Variants in CXCL13 observed in about 807,000 individuals in gnomAD.
CXCL13 encodes the protein C-X-C motif chemokine ligand 13.
Under a neutral mutation model 12.2 loss-of-function variants are expected in CXCL13, and 7 were observed. That is an observed-to-expected ratio of 0.57 (90% CI 0.33 to 1.07). The LOEUF is 1.07. Ranked by LOEUF, CXCL13 falls within the 50% of genes least tolerant of loss-of-function variation. The pLI is 0.04. For missense variants in CXCL13, 113 were observed against 127.4 expected (o/e 0.89, Z 0.55); for synonymous variants, 47 against 42.4 (o/e 1.11, Z -0.42).
At chr4:77,567,657 A>T (rs993517927) in intron 1 of CXCL13, among the ~76,000 whole-genome samples, 11 of 152,212 alleles carry the variant, frequency 7.2e-5, no homozygotes, top group African/African-American at 2.7e-4. Flanking sequence ...GATGGTGGCA[A>T]AAGTGACCTC....
chr4:77,606,975 A>G (rs557137387), intron 1 of CXCL13, among the ~76,000 whole-genome samples: 2 of 152,290 alleles, frequency 1.3e-5, no homozygotes, highest in Non-Finnish European at 2.9e-5. Context: ...AGACTTTTGA[A>G]TTTTTATGAT....
chr4:77,588,836 G>A (rs552765774), intron 1 of CXCL13, among the ~76,000 whole-genome samples: 1 of 152,228 alleles, frequency 6.6e-6, no homozygotes, highest in East Asian at 1.9e-4. Flanking sequence ...AGCAATCACT[G>A]CTCACTACTA....
chr4:77,594,637 C>T (rs115204650), intron 1 of CXCL13, among the ~76,000 whole-genome samples: 6,310 of 150,998 alleles, frequency 0.042, 415 homozygotes, highest in African/African-American at 0.14. Flanking sequence ...CCAGTGAGGG[C>T]CATGGGGCTC....
intron 1 of CXCL13, among the ~76,000 whole-genome samples, chr4:77,568,924 G>A (rs1482940768): frequency 6.6e-6 from 1 of 152,106 alleles, no homozygotes; most frequent in Non-Finnish European, 1.5e-5. Flanking sequence ...TTTGCTATAG[G>A]AGGTGAAAAT....
chr4:77,559,879 A>C (rs970948040), intron 1 of CXCL13, among the ~76,000 whole-genome samples: 3 of 147,304 alleles, frequency 2.0e-5, no homozygotes, highest in Non-Finnish European at 4.5e-5. Context: ...CAGAGATGGC[A>C]CCAATGCACT....
chr4:77,532,763 C>T (rs1014455298), intron 1 of CXCL13, among the ~76,000 whole-genome samples: 1 of 152,230 alleles, frequency 6.6e-6, no homozygotes, highest in African/African-American at 2.4e-5. Flanking sequence ...TCTTTTTTCT[C>T]TGAACTTCTC....
At chr4:77,555,645 G>A (rs1725640622) in intron 1 of CXCL13, among the ~76,000 whole-genome samples, 1 of 151,874 alleles carries the variant, frequency 6.6e-6, no homozygotes, top group South Asian at 2.1e-4. Flanking sequence ...AAATATGAAA[G>A]AATAATATTA....
chr4:77,528,822 C>CT (rs1724835739), intron 1 of CXCL13, among the ~76,000 whole-genome samples: 1 of 152,132 alleles, frequency 6.6e-6, no homozygotes, highest in Non-Finnish European at 1.5e-5. Flanking sequence ...GTTGCCATTG[C>CT]TTTTGGTGTT....
At chr4:77,592,763 C>T (rs1166958223) in intron 1 of CXCL13, among the ~76,000 whole-genome samples, 1 of 152,168 alleles carries the variant, frequency 6.6e-6, no homozygotes, top group African/African-American at 2.4e-5. Context: ...AGACTTTCAT[C>T]ACTCAAGATT....
At chr4:77,563,634 C>T (rs1725864311) in intron 1 of CXCL13, among the ~76,000 whole-genome samples, 1 of 152,212 alleles carries the variant, frequency 6.6e-6, no homozygotes, top group African/African-American at 2.4e-5. Flanking sequence ...GAGTATAACA[C>T]TCTCAAGAAT....
At chr4:77,586,006 G>A (rs1726448005) in intron 1 of CXCL13, among the ~76,000 whole-genome samples, 1 of 152,024 alleles carries the variant, frequency 6.6e-6, no homozygotes, top group African/African-American at 2.4e-5. Flanking sequence ...TATTTTGAGT[G>A]TTTACATTTA....
At chr4:77,610,798 C>G (rs1727127737) in intron 3 of CXCL13, 104 bp downstream of exon 3, 1 of 980,978 alleles carries the variant, frequency 1.0e-6, no homozygotes, top group Non-Finnish European at 1.6e-6. Flanking sequence ...TGAGAAGTTC[C>G]TAAGACAAAT....
intron 1 of CXCL13, among the ~76,000 whole-genome samples, chr4:77,581,263 A>G (rs1405200140): frequency 1.3e-5 from 2 of 152,230 alleles, no homozygotes; most frequent in African/African-American, 4.8e-5. Flanking sequence ...TATATCAATA[A>G]AACTGTTAAA....
chr4:77,537,996 C>A (rs1400967114), intron 1 of CXCL13, among the ~76,000 whole-genome samples: 1 of 152,168 alleles, frequency 6.6e-6, no homozygotes, highest in Middle Eastern at 3.2e-3. Flanking sequence ...TTAGAGCCAT[C>A]TCTGCCCCCA....
intron 1 of CXCL13, among the ~76,000 whole-genome samples, chr4:77,527,557 G>T (rs1724797975): frequency 6.6e-6 from 1 of 152,062 alleles, no homozygotes; most frequent in Non-Finnish European, 1.5e-5. Flanking sequence ...ACTTAAGCCT[G>T]AGAGGTGGAG....
chr4:77,579,395 G>A (rs557759600), intron 1 of CXCL13, among the ~76,000 whole-genome samples: 28 of 152,268 alleles, frequency 1.8e-4, no homozygotes, highest in African/African-American at 6.5e-4. Context: ...AAGGATGCAG[G>A]CCGTTTGCCT....
intron 1 of CXCL13, among the ~76,000 whole-genome samples, chr4:77,569,851 A>C (rs944326082): frequency 9.9e-5 from 15 of 152,250 alleles, no homozygotes; most frequent in African/African-American, 3.6e-4. Flanking sequence ...ACCTGGAGGC[A>C]TCATGTTACC....
intron 1 of CXCL13, among the ~76,000 whole-genome samples, chr4:77,542,628 G>T (rs1329550180): frequency 1.3e-5 from 2 of 152,090 alleles, no homozygotes; most frequent in African/African-American, 4.8e-5. Flanking sequence ...ATATCATGTG[G>T]TTTTTGCTTT....
At chr4:77,532,784 A>C (rs903281644) in intron 1 of CXCL13, among the ~76,000 whole-genome samples, 1 of 151,926 alleles carries the variant, frequency 6.6e-6, no homozygotes, top group Non-Finnish European at 1.5e-5. Flanking sequence ...TTTTGGCTTC[A>C]TTTCACTCAT....
Sources: allele counts gnomAD v4.1 joint callset (sites outside exome capture counted in the v4.1 genomes callset), GRCh38; gene constraint gnomAD v4.1.1; transcripts MANE v1.5; gene names NCBI Gene and HGNC (gene_info 2026-07-23, HGNC 2026-07-21).